The following PTPRN2 variants were observed in gnomAD, a reference collection of about 807,000 sequenced individuals.
The protein encoded by PTPRN2 is protein tyrosine phosphatase receptor type N2, also known as receptor-type tyrosine-protein phosphatase N2.
Under a neutral mutation model 118.8 loss-of-function variants are expected in PTPRN2, and 74 were observed. That is an observed-to-expected ratio of 0.62 (90% CI 0.52 to 0.76). The LOEUF is 0.76. Ranked by LOEUF, PTPRN2 falls within the 30% of genes least tolerant of loss-of-function variation. The pLI is 0.00. For synonymous variants in PTPRN2, 641 were observed against 608.0 expected (o/e 1.05, Z -0.80); for missense variants, 1,481 against 1,394.4 (o/e 1.06, Z -0.99).
intron 3 of PTPRN2, among the ~76,000 whole-genome samples, chr7:158,250,756 A>G (rs572220668): frequency 1.3e-5 from 2 of 152,322 alleles, no homozygotes; most frequent in South Asian, 4.1e-4. Flanking sequence ...TCAAATCAAC[A>G]TCAGCTGACT....
At chr7:158,084,893 TCCTCGATGCCCATCCACAC>T (rs1813156882) in intron 10 of PTPRN2, among the ~76,000 whole-genome samples, 1 of 57,636 alleles carries the variant, frequency 1.7e-5, no homozygotes. Context: ...CCCATCCACA[TCCTCGATGCCCATCCACAC>T]CCACCACGCC....
intron 11 of PTPRN2, among the ~76,000 whole-genome samples, chr7:157,985,105 C>T (rs185852531): frequency 1.5e-4 from 23 of 152,326 alleles, no homozygotes; most frequent in Non-Finnish European, 2.8e-4. Flanking sequence ...ATTCTGGGAG[C>T]GTCGACTGTG....
chr7:158,294,005 A>G (rs1800293955), intron 3 of PTPRN2, among the ~76,000 whole-genome samples: 1 of 152,272 alleles, frequency 6.6e-6, no homozygotes, highest in East Asian at 1.9e-4. Flanking sequence ...GCATTCTAAA[A>G]TAATGATAAA....
chr7:158,334,794 C>T (rs1386601003), intron 2 of PTPRN2, among the ~76,000 whole-genome samples: 1 of 62,906 alleles, frequency 1.6e-5, no homozygotes, highest in Non-Finnish European at 3.4e-5. Flanking sequence ...ATAGAGCTGA[C>T]GCCCGCAGAC....
chr7:157,553,859 A>G (rs570214550), intron 21 of PTPRN2, among the ~76,000 whole-genome samples: 3 of 152,350 alleles, frequency 2.0e-5, no homozygotes, highest in East Asian at 3.9e-4. Context: ...AAGCTTTCAT[A>G]GAGCCCATGC....
At chr7:158,253,050 C>T (rs1267584037) in intron 3 of PTPRN2, among the ~76,000 whole-genome samples, 3 of 152,224 alleles carry the variant, frequency 2.0e-5, no homozygotes, top group African/African-American at 4.8e-5. Flanking sequence ...GACCAGACCT[C>T]GTTGTCCAGA....
chr7:157,706,222 G>C (rs1798322617), intron 12 of PTPRN2, among the ~76,000 whole-genome samples: 1 of 152,070 alleles, frequency 6.6e-6, no homozygotes, highest in South Asian at 2.1e-4. Context: ...TCTGACTCCA[G>C]TGCCTTCTGG....
chr7:158,528,384 G>A lies in PTPRN2; in HGVS notation c.113-38599C>T, dbSNP rs185614184. On this transcript the variant is annotated intron_variant, in intron 1 of 22. Coordinates refer to ENST00000389418, the MANE Select transcript of PTPRN2 (RefSeq NM_002847.5). ...AATCACTCCCCAGAGCCGGTCAGCC[G>A]TCTCTTGCCCTGTGAAATGCACATT... Among the ~76,000 whole-genome samples, 88 of 152,324 alleles carry A rather than the reference G, an allele frequency of 5.8e-4. 2 individuals are homozygous for A. Among genetic ancestry groups the A allele is most frequent in the Admixed American group, 4.4e-3 (67 of 15,306 alleles).
At chr7:158,554,792 A>G (rs1168892848) in intron 1 of PTPRN2, among the ~76,000 whole-genome samples, 1 of 152,076 alleles carries the variant, frequency 6.6e-6, no homozygotes, top group East Asian at 1.9e-4. Context: ...GATCCAGCGC[A>G]GGAGCACAGC....
At chr7:158,337,652 C>G (rs1286218882) in intron 2 of PTPRN2, among the ~76,000 whole-genome samples, 2 of 148,140 alleles carry the variant, frequency 1.4e-5, no homozygotes, top group Admixed American at 1.3e-4. Context: ...CACCCACACT[C>G]TCACCATAAT....
intron 1 of PTPRN2, among the ~76,000 whole-genome samples, chr7:158,556,307 A>AT (rs1397419400): frequency 2.6e-5 from 4 of 152,144 alleles, no homozygotes; most frequent in Non-Finnish European, 4.4e-5. Flanking sequence ...TAATCCCAGC[A>AT]TTTTGGGAGG....
intron 4 of PTPRN2, among the ~76,000 whole-genome samples, chr7:158,197,537 A>G (rs533702288): frequency 2.6e-5 from 4 of 152,192 alleles, no homozygotes; most frequent in Non-Finnish European, 5.9e-5. Context: ...TAAACCCACC[A>G]TGTTTTTATT....
rs190543258 is a variant in PTPRN2, at chr7:158,138,006, C to T, written c.1132+288G>A. 5.3e-5 allele frequency among the ~76,000 whole-genome samples: 8 copies of T among 152,338 alleles called. No homozygotes were observed. In the East Asian group the frequency reaches 7.7e-4, roughly 15 times the overall value. ...TATTCACCGGTACACAGTCCAAACA[C>T]AACACTTCCCATCACGCCTGTTTTC... On this transcript the variant is annotated intron_variant, in intron 7 of 22. Transcript: ENST00000389418.
chr7:158,542,211 T>A (rs1826029630), intron 1 of PTPRN2, among the ~76,000 whole-genome samples: 1 of 152,224 alleles, frequency 6.6e-6, no homozygotes, highest in South Asian at 2.1e-4. Context: ...AGTGCAGTGG[T>A]GCAATCTCGG....
chr7:158,170,490 T>C (rs551944834), intron 5 of PTPRN2, among the ~76,000 whole-genome samples: 1 of 152,350 alleles, frequency 6.6e-6, no homozygotes, highest in African/African-American at 2.4e-5. Flanking sequence ...TGCAGTAGAC[T>C]TGGATAAACA....
intron 3 of PTPRN2, among the ~76,000 whole-genome samples, chr7:158,301,451 T>A (rs137865787): frequency 6.6e-6 from 1 of 152,342 alleles, no homozygotes; most frequent in East Asian, 1.9e-4. Context: ...GTCATCGTCT[T>A]AGCTCCCGAG....
chr7:157,843,946 C>T (rs762033567), intron 12 of PTPRN2, among the ~76,000 whole-genome samples: 20 of 152,216 alleles, frequency 1.3e-4, no homozygotes, highest in Non-Finnish European at 2.9e-4. Context: ...TCACCAGTGC[C>T]ACCCCACTGC....
chr7:158,123,940 G>A lies in PTPRN2; in HGVS notation c.1556+9737C>T, dbSNP rs144183708. 3.9e-3 allele frequency among the ~76,000 whole-genome samples: 581 copies of A among 149,574 alleles called. 3 individuals carry two copies. Among genetic ancestry groups the A allele is most frequent in the African/African-American group, 0.014 (559 of 40,524 alleles). On this transcript the variant is annotated intron_variant, in intron 9 of 22. Transcript: ENST00000389418. The stretch of plus-strand genomic sequence containing the variant: ...CTAACCTGATTTGACCTCAGATCCC[G>A]TGCCGACCCAGGCGGAGCTGGTTCT...
chr7:158,070,765 G>A (rs201985693), intron 11 of PTPRN2, among the ~76,000 whole-genome samples: 3 of 112,110 alleles, frequency 2.7e-5, no homozygotes, highest in African/African-American at 8.5e-5. Flanking sequence ...GGTGGTGGAG[G>A]TGCTCATGGT....
Sources: allele counts gnomAD v4.1 joint callset (sites outside exome capture counted in the v4.1 genomes callset), GRCh38; gene constraint gnomAD v4.1.1; transcripts MANE v1.5; gene names NCBI Gene and HGNC (gene_info 2026-07-23, HGNC 2026-07-21).